The following CCDC178 variants were observed in gnomAD, a reference collection of about 807,000 sequenced individuals.
CCDC178 encodes the protein coiled-coil domain containing 178, also known as coiled-coil domain-containing protein 178.
CCDC178 carries 126 observed loss-of-function variants against 117.4 expected under a neutral mutation model. The ratio of observed to expected loss-of-function variants is 1.07; its 90% CI spans 0.93 to 1.24. The LOEUF (loss-of-function observed/expected upper bound fraction) is 1.24. CCDC178 is among the 50% of genes most tolerant of loss of function. The pLI, the probability that CCDC178 is intolerant of heterozygous loss-of-function variation, is 0.00. For missense variants in CCDC178, 1,030 were observed against 986.9 expected (o/e 1.04, Z -0.59); for synonymous variants, 283 against 313.4 (o/e 0.90, Z 1.02).
Position 33,326,512 on chromosome 18 carries a change from G to A in CCDC178, c.880-2879C>T, listed in dbSNP as rs116169324. Reference sequence around the variant, plus strand: ...TCATGCCTGGAACTCTGGAGGGGCTGAGTGTCCTTGGAAGCCTTGTTTTAT... The same window carrying A: ...TCATGCCTGGAACTCTGGAGGGGCTAAGTGTCCTTGGAAGCCTTGTTTTAT... On this transcript the variant is annotated intron_variant, in intron 10 of 22. Transcript: ENST00000383096. Among the ~76,000 whole-genome samples, 1,200 of 152,254 alleles carry A rather than the reference G, an allele frequency of 7.9e-3. 11 individuals carry two copies. Among genetic ancestry groups the A allele is most frequent in the Middle Eastern group, 0.037 (11 of 294 alleles).
rs761287196 is a variant in CCDC178 at position 32,974,615 on chromosome 18, T to A, written c.2455A>T (p.Ser819Cys). ...QEHFKLVVLF[S>C]QMRLANFQTD... ...TGGAAGTTGGCCAGCCTCATCTGGC[T>A]GAAGAGGACCACCAGTTTGAAGTGC... Residue 819 changes from serine to cysteine, a missense_variant, in exon 22 of 23, where the codon AGC becomes TGC. Physicochemically the swap from Ser to Cys is moderately radical, Grantham distance 112. Transcript: ENST00000383096. The A allele has an allele frequency of 1.2e-5, 19 of 1,613,270 alleles. No homozygotes were observed. The highest frequency in any genetic ancestry group is 1.6e-5 in the Non-Finnish European group (19 of 1,179,534).
intron 20 of CCDC178, among the ~76,000 whole-genome samples, chr18:33,146,472 T>C (rs1232229897): frequency 6.6e-6 from 1 of 152,126 alleles, no homozygotes; most frequent in Non-Finnish European, 1.5e-5. Flanking sequence ...TTGGGCAACA[T>C]GGGCAGACCT....
chr18:33,320,963 A>G (rs1227086337), intron 11 of CCDC178, among the ~76,000 whole-genome samples: 1 of 152,244 alleles, frequency 6.6e-6, no homozygotes, highest in African/African-American at 2.4e-5. Context: ...GACCTTTGAC[A>G]AACCTGACAA....
intron 9 of CCDC178, among the ~76,000 whole-genome samples, chr18:33,338,436 A>G (rs2144649860): frequency 6.6e-6 from 1 of 152,338 alleles, no homozygotes; most frequent in African/African-American, 2.4e-5. Flanking sequence ...TATATGAAAA[A>G]GATACTTGCA....
chr18:33,282,980 C>T (rs139235474), intron 12 of CCDC178, among the ~76,000 whole-genome samples: 6 of 152,272 alleles, frequency 3.9e-5, no homozygotes, highest in Non-Finnish European at 8.8e-5. Context: ...TCCAAGGCAA[C>T]CACACACAGA....
chr18:33,256,112 A>T (rs1178035147), intron 14 of CCDC178, among the ~76,000 whole-genome samples: 1 of 152,086 alleles, frequency 6.6e-6, no homozygotes, highest in Non-Finnish European at 1.5e-5. Flanking sequence ...TCAAAAAATG[A>T]TTAATAGTGA....
intron 20 of CCDC178, among the ~76,000 whole-genome samples, chr18:33,113,677 A>G (rs2057813808): frequency 1.3e-5 from 2 of 152,060 alleles, no homozygotes; most frequent in African/African-American, 2.4e-5. Context: ...ATGTCTACCT[A>G]TTGTGTAGTT....
At chr18:33,134,084 A>G (rs1314647192) in intron 20 of CCDC178, among the ~76,000 whole-genome samples, 1 of 151,950 alleles carries the variant, frequency 6.6e-6, no homozygotes, top group Non-Finnish European at 1.5e-5. Flanking sequence ...ACATGTACAA[A>G]ATGCTAGAAA....
At chr18:33,135,426 T>C (rs2058113091) in intron 20 of CCDC178, among the ~76,000 whole-genome samples, 1 of 152,174 alleles carries the variant, frequency 6.6e-6, no homozygotes, top group African/African-American at 2.4e-5. Context: ...TGCAGCAACG[T>C]ATCAAAAATC....
intron 22 of CCDC178, among the ~76,000 whole-genome samples, chr18:32,963,379 C>T (rs889093832): frequency 6.6e-6 from 1 of 151,910 alleles, no homozygotes; most frequent in African/African-American, 2.4e-5. Context: ...AGGCATTTCC[C>T]TGAATTCAGG....
intron 22 of CCDC178, among the ~76,000 whole-genome samples, chr18:32,963,681 T>A (rs1298631034): frequency 6.6e-6 from 1 of 152,070 alleles, no homozygotes; most frequent in Admixed American, 6.6e-5. Context: ...ATGAGTTCTC[T>A]CCTTCAGAGA....
chr18:32,988,567 C>T (rs940591477), intron 21 of CCDC178, among the ~76,000 whole-genome samples: 1 of 151,602 alleles, frequency 6.6e-6, no homozygotes, highest in Admixed American at 6.6e-5. Context: ...TTAGAAAAGA[C>T]AAAATGTAGA....
At chr18:33,300,552 CAGT>C (rs2062163644) in intron 11 of CCDC178, among the ~76,000 whole-genome samples, 1 of 152,102 alleles carries the variant, frequency 6.6e-6, no homozygotes, top group South Asian at 2.1e-4. Context: ...GAAACGTTGA[CAGT>C]GAAGGCTAGA....
intron 22 of CCDC178, among the ~76,000 whole-genome samples, chr18:32,955,419 A>T (rs1015041884): frequency 2.0e-5 from 3 of 152,148 alleles, no homozygotes; most frequent in African/African-American, 7.2e-5. Context: ...TGTATGGAAA[A>T]TCTTCCCACC....
intron 21 of CCDC178, among the ~76,000 whole-genome samples, chr18:33,020,115 G>A (rs1355331345): frequency 7.0e-6 from 1 of 142,162 alleles, no homozygotes; most frequent in Non-Finnish European, 1.5e-5. Context: ...CCGGATAATT[G>A]GTTTTTTTTT....
chr18:33,101,546 C>G (rs903843174), intron 20 of CCDC178, among the ~76,000 whole-genome samples: 3 of 151,978 alleles, frequency 2.0e-5, no homozygotes, highest in South Asian at 4.1e-4. Context: ...CACTGCACAT[C>G]GAGTGGGTGA....
chr18:33,030,566 T>TAGAC (rs1233006718), intron 21 of CCDC178, among the ~76,000 whole-genome samples: 1 of 151,314 alleles, frequency 6.6e-6, no homozygotes, highest in Non-Finnish European at 1.5e-5. Flanking sequence ...GATAGATAGA[T>TAGAC]AGAGGTAGAT....
intron 22 of CCDC178, among the ~76,000 whole-genome samples, chr18:32,962,481 T>G (rs746909674): frequency 6.6e-6 from 1 of 152,102 alleles, no homozygotes; most frequent in Non-Finnish European, 1.5e-5. Context: ...ATCTAAAATA[T>G]CTTTGTTTTG....
chr18:33,097,385 TG>T, intron 20 of CCDC178, among the ~76,000 whole-genome samples: 1 of 152,234 alleles, frequency 6.6e-6, no homozygotes, highest in South Asian at 2.1e-4. Context: ...GTCATCCAAC[TG>T]ATGTCCAGAA....
Sources: allele counts gnomAD v4.1 joint callset (sites outside exome capture counted in the v4.1 genomes callset), GRCh38; gene constraint gnomAD v4.1.1; transcripts MANE v1.5; gene names NCBI Gene and HGNC (gene_info 2026-07-23, HGNC 2026-07-21).